The following CCDC148 variants were observed in gnomAD, a reference collection of about 807,000 sequenced individuals.
CCDC148 encodes the protein coiled-coil domain-containing protein 148.
In CCDC148, 89 loss-of-function variants were observed where a neutral mutation model predicts 85.7. The observed-to-expected ratio is 1.04, with a 90% CI of 0.87 to 1.24. The LOEUF is 1.24. Among genes scored for constraint, CCDC148 ranks in the 50% most tolerant of loss-of-function variants. The pLI is 0.00. For missense variants in CCDC148, 692 were observed against 671.7 expected (o/e 1.03, Z -0.33); for synonymous variants, 230 against 213.9 (o/e 1.08, Z -0.66).
At chr2:158,201,860 T>C (rs977624104) in intron 11 of CCDC148, among the ~76,000 whole-genome samples, 1 of 152,204 alleles carries the variant, frequency 6.6e-6, no homozygotes, top group South Asian at 2.1e-4. Flanking sequence ...TTACCATTCA[T>C]TTTCTTAGGT....
intron 10 of CCDC148, among the ~76,000 whole-genome samples, chr2:158,228,654 T>G (rs1687685070): frequency 6.6e-6 from 1 of 152,126 alleles, no homozygotes; most frequent in Admixed American, 6.5e-5. Context: ...TCATGTCCTT[T>G]GTAGGGACAT....
At chr2:158,196,915 C>T (rs1159753261) in intron 11 of CCDC148, among the ~76,000 whole-genome samples, 1 of 152,058 alleles carries the variant, frequency 6.6e-6, no homozygotes, top group Admixed American at 6.6e-5. Context: ...GTAATTTAAG[C>T]CCACCTTAGT....
chr2:158,271,128 C>T (rs1689679987), intron 9 of CCDC148, among the ~76,000 whole-genome samples: 1 of 152,148 alleles, frequency 6.6e-6, no homozygotes, highest in Non-Finnish European at 1.5e-5. Flanking sequence ...ATCATCATCA[C>T]TTTCACTTTC....
intron 11 of CCDC148, among the ~76,000 whole-genome samples, chr2:158,182,999 T>C (rs1684977175): frequency 6.6e-6 from 1 of 152,288 alleles, no homozygotes; most frequent in Admixed American, 6.5e-5. Flanking sequence ...TGTCAGGAAG[T>C]GGCTAAACTC....
At chr2:158,333,681 T>G (rs189038303) in intron 7 of CCDC148, among the ~76,000 whole-genome samples, 1 of 152,308 alleles carries the variant, frequency 6.6e-6, no homozygotes, top group East Asian at 1.9e-4. Context: ...AAGAACATGC[T>G]TTAGGATCTG....
intron 9 of CCDC148, among the ~76,000 whole-genome samples, chr2:158,271,201 AT>A (rs1266852421): frequency 6.6e-6 from 1 of 152,112 alleles, no homozygotes; most frequent in Non-Finnish European, 1.5e-5. Flanking sequence ...TGAGGCTTTT[AT>A]ATATACTTTT....
intron 2 of CCDC148, among the ~76,000 whole-genome samples, chr2:158,351,085 T>C (rs1328836491): frequency 6.6e-6 from 1 of 152,170 alleles, no homozygotes; most frequent in East Asian, 1.9e-4. Flanking sequence ...TCAGTGAAGA[T>C]CAAATCCTAT....
At chr2:158,267,073 AT>A (rs1245778740) in intron 9 of CCDC148, among the ~76,000 whole-genome samples, 1 of 151,890 alleles carries the variant, frequency 6.6e-6, no homozygotes, top group Non-Finnish European at 1.5e-5. Flanking sequence ...AGGCTATCAA[AT>A]TTCAACCTCT....
chr2:158,176,678 A>G lies in CCDC148; in HGVS notation c.1489-17T>C. On this transcript the variant is annotated splice_polypyrimidine_tract_variant and intron_variant, in intron 12 of 13. Transcript: ENST00000283233. Reference sequence around the variant, plus strand: ...AACAGCAACCTAAAAATGAGAAAGCATGGCTACTTGGAACAAGGTACAAAC... The same window carrying G: ...AACAGCAACCTAAAAATGAGAAAGCGTGGCTACTTGGAACAAGGTACAAAC... 1.9e-6 allele frequency: 3 copies of G among 1,611,082 alleles called. No individual in the cohort carries two copies. The highest frequency in any genetic ancestry group is 2.5e-6 in the Non-Finnish European group (3 of 1,178,462).
intron 1 of CCDC148, among the ~76,000 whole-genome samples, chr2:158,422,292 T>G (rs138796902): frequency 0.092 from 13,979 of 152,026 alleles, 689 homozygotes; most frequent in African/African-American, 0.12. Flanking sequence ...CCAAAAAAGA[T>G]AATTTTAGAC....
At chr2:158,318,774 C>G (rs1481791810) in intron 7 of CCDC148, among the ~76,000 whole-genome samples, 4 of 133,400 alleles carry the variant, frequency 3.0e-5, no homozygotes, top group Non-Finnish European at 6.6e-5. Context: ...TAGCCTTTTA[C>G]TGTTTTTTTT....
chr2:158,371,671 C>CATATATATAT (rs60128846), intron 1 of CCDC148, among the ~76,000 whole-genome samples: 3 of 149,314 alleles, frequency 2.0e-5, no homozygotes, highest in African/African-American at 7.4e-5. Context: ...TGTTCATATA[C>CATATATATAT]ATATATATAT....
intron 11 of CCDC148, among the ~76,000 whole-genome samples, chr2:158,183,003 T>C (rs1684977485): frequency 6.6e-6 from 1 of 152,180 alleles, no homozygotes; most frequent in African/African-American, 2.4e-5. Flanking sequence ...AGGAAGTGGC[T>C]AAACTCAATA....
chr2:158,203,086 G>A (rs1686051167), intron 11 of CCDC148, among the ~76,000 whole-genome samples: 1 of 152,174 alleles, frequency 6.6e-6, no homozygotes, highest in Non-Finnish European at 1.5e-5. Flanking sequence ...TGTGATTGGA[G>A]TCATAATGAA....
intron 1 of CCDC148, among the ~76,000 whole-genome samples, chr2:158,446,465 T>G (rs1456840960): frequency 6.6e-6 from 1 of 152,208 alleles, no homozygotes; most frequent in Non-Finnish European, 1.5e-5. Flanking sequence ...ACAAAGTTTT[T>G]TTTTAATGTT....
chr2:158,427,749 A>C (rs1017141463), intron 1 of CCDC148, among the ~76,000 whole-genome samples: 13 of 152,096 alleles, frequency 8.5e-5, no homozygotes, highest in Non-Finnish European at 1.9e-4. Flanking sequence ...ACATGCCTAT[A>C]ATCTCAGCTA....
chr2:158,324,531 T>G (rs2105224304), intron 7 of CCDC148, among the ~76,000 whole-genome samples: 1 of 152,200 alleles, frequency 6.6e-6, no homozygotes, highest in South Asian at 2.1e-4. Flanking sequence ...GGAGAGAAAA[T>G]TTAATGTTGA....
chr2:158,198,222 G>A (rs1358333495), intron 11 of CCDC148, among the ~76,000 whole-genome samples: 33 of 152,084 alleles, frequency 2.2e-4, no homozygotes, highest in Admixed American at 1.4e-3. Context: ...TGCTACTTCC[G>A]TGTGTGTCCA....
At position 158,179,166 on chromosome 2, in the gene CCDC148, A is replaced by ATTTTT. The variant is rs10699879; in HGVS notation, c.1371-175_1371-171dup. Among the ~76,000 whole-genome samples the ATTTTT allele has an allele frequency of 6.9e-3, 572 of 82,738 alleles. 58 individuals are homozygous for ATTTTT. Among genetic ancestry groups the ATTTTT allele is most frequent in the Middle Eastern group, 0.01 (1 of 96 alleles). The allele number at this position is 82,738 out of a possible 152,430, so 54.3% of individuals were successfully genotyped here. On this transcript the variant is annotated intron_variant, in intron 11 of 13. Transcript: ENST00000283233. The stretch of plus-strand genomic sequence containing the variant: ...ATAAAAGACACTCATATAAAATGCA[A>ATTTTT]TTTTTTTTTTTTTTTTTTTTTTTGA...
Sources: gnomAD v4.1 joint callset for allele counts (sites outside exome capture counted in the v4.1 genomes callset) on GRCh38, gnomAD v4.1.1 for gene constraint, MANE v1.5 for transcripts, NCBI Gene and HGNC (gene_info 2026-07-23, HGNC 2026-07-21) for gene names.